Variants in CHN2 observed in about 807,000 individuals in gnomAD.
The protein encoded by CHN2 is chimerin 2.
CHN2 carries 35 observed loss-of-function variants against 56.3 expected under a neutral mutation model. The ratio of observed to expected loss-of-function variants is 0.62; its 90% CI spans 0.47 to 0.82. The LOEUF is 0.82. CHN2 is among the 40% of genes least tolerant of loss of function. The probability of loss-of-function intolerance (pLI) is 0.00; values close to 1 mark genes in which losing one functional copy is unlikely to be tolerated. For missense variants in CHN2, 491 were observed against 580.5 expected (o/e 0.85, Z 1.58); for synonymous variants, 210 against 212.8 (o/e 0.99, Z 0.12).
At chr7:29,454,667 C>T (rs1340374275) in intron 6 of CHN2, among the ~76,000 whole-genome samples, 1 of 152,160 alleles carries the variant, frequency 6.6e-6, no homozygotes, top group East Asian at 1.9e-4. Context: ...TGTGACCCTG[C>T]TGCTTCTGCC....
intron 3 of CHN2, among the ~76,000 whole-genome samples, chr7:29,370,210 T>A (rs10263661): frequency 0.029 from 4,483 of 152,248 alleles, 228 homozygotes; most frequent in African/African-American, 0.1. Context: ...GGAGTTGGCC[T>A]CCTGCAAGTG....
chr7:29,239,622 C>G (rs570058648), intron 1 of CHN2, among the ~76,000 whole-genome samples: 1 of 152,324 alleles, frequency 6.6e-6, no homozygotes, highest in South Asian at 2.1e-4. Context: ...GCCTAAGTCT[C>G]AAAGTTCTTA....
At chr7:29,291,284 C>T (rs1392803221) in intron 1 of CHN2, among the ~76,000 whole-genome samples, 1 of 152,068 alleles carries the variant, frequency 6.6e-6, no homozygotes, top group Non-Finnish European at 1.5e-5. Context: ...CTATTGGGAG[C>T]CAGCCGTTCC....
rs74635512 is a variant in CHN2, at chr7:29,468,782, C to G, written c.577-11497C>G. On this transcript the variant is annotated intron_variant, in intron 6 of 12. Coordinates refer to ENST00000222792, the MANE Select transcript of CHN2 (RefSeq NM_004067.4). The stretch of plus-strand genomic sequence containing the variant: ...CCTGTGGTCCTTTCTCACTCCCCAT[C>G]ATACCTATCCTGTGAGCGTTAGCTT... Among the ~76,000 whole-genome samples, 1,429 of 152,232 alleles carry G rather than the reference C, an allele frequency of 9.4e-3. 28 individuals carry two copies. Among genetic ancestry groups the G allele is most frequent in the African/African-American group, 0.032 (1,340 of 41,496 alleles).
chr7:29,400,999 C>CGT (rs765188091), intron 6 of CHN2, 171 bp downstream of exon 6: 18 of 663,512 alleles, frequency 2.7e-5, no homozygotes, highest in Non-Finnish European at 4.3e-5. Flanking sequence ...TCAGGCCGGG[C>CGT]GTGGTGGCTC....
chr7:29,171,493 T>C (rs1796597748), intron 2 of CHN2, among the ~76,000 whole-genome samples: 1 of 152,156 alleles, frequency 6.6e-6, no homozygotes, highest in Non-Finnish European at 1.5e-5. Context: ...CGGAGAGGAT[T>C]CTACCCAGAA....
intron 6 of CHN2, among the ~76,000 whole-genome samples, chr7:29,447,317 A>C (rs989680372): frequency 1.3e-5 from 2 of 152,252 alleles, no homozygotes; most frequent in African/African-American, 4.8e-5. Context: ...CCTAAGATGT[A>C]AAGTACACTG....
chr7:29,148,173 G>A (rs922463104), intron 2 of CHN2, among the ~76,000 whole-genome samples: 4 of 152,196 alleles, frequency 2.6e-5, no homozygotes, highest in African/African-American at 9.7e-5. Flanking sequence ...GTGCCATTTG[G>A]GGAGGGAATT....
chr7:29,195,649 T>TGTGTGTGTGTGAGA lies in CHN2; in HGVS notation c.49+660_49+661insTGTGTGTGTGAGAG, dbSNP rs1554358914. ...GAGAGAGTGTGTGTGTGTGTGTGTG[T>TGTGTGTGTGTGAGA]GAGAGAGAGAGAGAGAGAGACTCCT... On this transcript the variant is annotated intron_variant, in intron 1 of 12. Coordinates refer to ENST00000222792, the MANE Select transcript of CHN2 (RefSeq NM_004067.4). 1.8e-4 allele frequency among the ~76,000 whole-genome samples: 24 copies of TGTGTGTGTGTGAGA among 130,726 alleles called. 1 individual carries two copies. The highest frequency in any genetic ancestry group is 3.8e-3 in the Middle Eastern group (1 of 264). The allele number at this position is 130,726 out of a possible 152,430, so 85.8% of individuals were successfully genotyped here. A position where few individuals can be genotyped will look rare whatever the true frequency, so the allele number is the denominator to read the frequency against.
chr7:29,393,874 A>G (rs1801536564), intron 4 of CHN2, among the ~76,000 whole-genome samples, 164 bp downstream of exon 4: 1 of 152,196 alleles, frequency 6.6e-6, no homozygotes, highest in South Asian at 2.1e-4. Context: ...AATATTTTTT[A>G]TAGTAGTCAA....
intron 1 of CHN2, among the ~76,000 whole-genome samples, chr7:29,238,309 C>T (rs1484459070): frequency 1.3e-5 from 2 of 152,140 alleles, no homozygotes; most frequent in African/African-American, 2.4e-5. Flanking sequence ...TGAGCCACCG[C>T]ACCCGCCCAT....
At chr7:29,346,329 T>C (rs1345954899) in intron 1 of CHN2, among the ~76,000 whole-genome samples, 2 of 152,030 alleles carry the variant, frequency 1.3e-5, no homozygotes, top group African/African-American at 2.4e-5. Flanking sequence ...CTCCTGCTGT[T>C]GTTGTTTGCT....
chr7:29,417,537 G>A (rs1201347085), intron 6 of CHN2, among the ~76,000 whole-genome samples: 3 of 151,952 alleles, frequency 2.0e-5, no homozygotes, highest in East Asian at 3.9e-4. Flanking sequence ...GGATTTCACC[G>A]TGTTAGCCAA....
chr7:29,508,330 G>A (rs746965225), intron 11 of CHN2, among the ~76,000 whole-genome samples: 1 of 151,586 alleles, frequency 6.6e-6, no homozygotes, highest in Non-Finnish European at 1.5e-5. Flanking sequence ...AGTGACCAAA[G>A]GTAGATTCAG....
intron 1 of CHN2, among the ~76,000 whole-genome samples, chr7:29,298,875 A>T (rs1584997580): frequency 1.5e-5 from 1 of 65,158 alleles, no homozygotes; most frequent in African/African-American, 7.6e-5. Context: ...CATTTTTGTT[A>T]AAAAAAAAAT....
chr7:29,218,722 A>G (rs1374998398), intron 1 of CHN2, among the ~76,000 whole-genome samples: 5 of 150,512 alleles, frequency 3.3e-5, no homozygotes, highest in Admixed American at 2.0e-4. Flanking sequence ...CAAACACCGC[A>G]TGTTCTCACT....
chr7:29,512,722 A>T lies in CHN2; in HGVS notation c.1394A>T (p.Asp465Val). The change falls in exon 13 of 13, where the codon GAC becomes GTC. Residue 465 changes from aspartate (D) to valine (V), a missense_variant. Asp to Val is a radical substitution (Grantham distance 152). Transcript: ENST00000222792. The part of the protein sequence containing the change: ...LIVQILIENE[D>V]VLF ...GTGCAGATTTTAATAGAAAACGAAG[A>T]CGTTTTATTCTAATCCATCAGGGAA... 6.2e-7 allele frequency: 1 copy of T among 1,614,130 alleles called. No homozygotes were observed. The highest frequency in any genetic ancestry group is 8.5e-7 in the Non-Finnish European group (1 of 1,180,002).
chr7:29,364,419 C>T (rs1798982221), intron 2 of CHN2, among the ~76,000 whole-genome samples: 2 of 152,210 alleles, frequency 1.3e-5, no homozygotes, highest in South Asian at 4.1e-4. Context: ...CCATTTCAAC[C>T]ATATATCACT....
chr7:29,174,175 C>T (rs1364643783), intron 2 of CHN2, among the ~76,000 whole-genome samples: 1 of 152,004 alleles, frequency 6.6e-6, no homozygotes, highest in Non-Finnish European at 1.5e-5. Flanking sequence ...AGGTGGCTGC[C>T]CCCACACCTT....
Sources: allele counts gnomAD v4.1 joint callset (sites outside exome capture counted in the v4.1 genomes callset), GRCh38; gene constraint gnomAD v4.1.1; transcripts MANE v1.5; gene names NCBI Gene and HGNC (gene_info 2026-07-23, HGNC 2026-07-21).